FILIP1: variants seen among roughly 807,000 people sequenced by gnomAD.
The protein encoded by FILIP1 is filamin-A-interacting protein 1.
Under a neutral mutation model 102.1 loss-of-function variants are expected in FILIP1, and 61 were observed. The ratio of observed to expected loss-of-function variants is 0.60; its 90% confidence interval spans 0.49 to 0.74. FILIP1 has a LOEUF of 0.74. FILIP1 is among the 30% of genes least tolerant of loss of function. The pLI is 0.00. For missense variants in FILIP1, 1,314 were observed against 1,441.2 expected (o/e 0.91, Z 1.43); for synonymous variants, 491 against 526.9 (o/e 0.93, Z 0.93).
At chr6:75,292,595 G>A (rs1772570622) in exon 7 of FILIP1, 1 of 152,096 alleles carries the variant, frequency 6.6e-6, no homozygotes, top group Non-Finnish European at 1.5e-5. Context: ...GATTTTTACT[G>A]TATTACAACA....
At chr6:75,360,383 GA>G (rs934135817) in intron 3 of FILIP1, among the ~76,000 whole-genome samples, 1 of 152,074 alleles carries the variant, frequency 6.6e-6, no homozygotes, top group African/African-American at 2.4e-5. Context: ...AGATTCTTCA[GA>G]AAAAAGTAGA....
At chr6:75,413,665 T>C (rs1247690420) in intron 2 of FILIP1, among the ~76,000 whole-genome samples, 1 of 152,020 alleles carries the variant, frequency 6.6e-6, no homozygotes, top group Non-Finnish European at 1.5e-5. Flanking sequence ...CATGCAATTG[T>C]TAAAGTAATT....
chr6:75,451,053 G>T (rs1395548186), intron 1 of FILIP1, among the ~76,000 whole-genome samples: 1 of 152,012 alleles, frequency 6.6e-6, no homozygotes, highest in Non-Finnish European at 1.5e-5. Context: ...TTGGGGCAGG[G>T]ATAAGTGTTG....
intron 4 of FILIP1, among the ~76,000 whole-genome samples, chr6:75,337,339 C>T (rs1015024353): frequency 2.0e-5 from 3 of 152,152 alleles, no homozygotes; most frequent in Non-Finnish European, 4.4e-5. Context: ...TGCCATGAAG[C>T]ATCATGACCT....
Position 75,308,452 on chromosome 6 carries a change from C to A in FILIP1, c.*239G>T. The A allele has an allele frequency of 7.5e-7, 1 of 1,336,276 alleles. No individual in the cohort carries two copies. Among genetic ancestry groups the A allele is most frequent in the Non-Finnish European group, 9.6e-7 (1 of 1,037,748 alleles). 82.8% of individuals were successfully genotyped at this position (1,336,276 alleles called of 1,614,324 possible). On this transcript the variant is annotated 3_prime_UTR_variant, in exon 6 of 6. Coordinates refer to ENST00000237172, the MANE Select transcript of FILIP1 (RefSeq NM_015687.5). ...ATGGGTCCACTTGCTAGAAGCAAAACTGGAACTAGAAACCACGCCCTGGCT... is the reference window on the plus strand; with the variant it reads ...ATGGGTCCACTTGCTAGAAGCAAAAATGGAACTAGAAACCACGCCCTGGCT...
chr6:75,422,843 T>G (rs945457924), intron 1 of FILIP1, among the ~76,000 whole-genome samples: 1 of 152,176 alleles, frequency 6.6e-6, no homozygotes, highest in Middle Eastern at 3.2e-3. Flanking sequence ...TCTTGCTTTT[T>G]TTGCTAATCA....
At chr6:75,294,187 A>G (rs933226675) in exon 7 of FILIP1, 14 of 152,332 alleles carry the variant, frequency 9.2e-5, no homozygotes, top group African/African-American at 3.4e-4. Context: ...TTTCTATTCC[A>G]GAGACTCAGT....
At chr6:75,360,452 T>C (rs1460883235) in intron 3 of FILIP1, among the ~76,000 whole-genome samples, 1 of 152,180 alleles carries the variant, frequency 6.6e-6, no homozygotes, top group Non-Finnish European at 1.5e-5. Context: ...AGTCCAGGTT[T>C]TTTTTACTAA....
intron 1 of FILIP1, among the ~76,000 whole-genome samples, chr6:75,464,724 A>C (rs78433530): frequency 6.6e-6 from 1 of 152,242 alleles, no homozygotes; most frequent in East Asian, 1.9e-4. Flanking sequence ...CAACTCTTCT[A>C]CTTCTACGTT....
At chr6:75,384,600 A>G (rs73457763) in intron 2 of FILIP1, among the ~76,000 whole-genome samples, 3 of 152,268 alleles carry the variant, frequency 2.0e-5, no homozygotes, top group African/African-American at 7.2e-5. Flanking sequence ...GGTTACTCCT[A>G]TAGCTAATTG....
intron 4 of FILIP1, among the ~76,000 whole-genome samples, chr6:75,341,259 C>A (rs755710498): frequency 1.8e-4 from 28 of 151,630 alleles, no homozygotes; most frequent in Non-Finnish European, 3.5e-4. Flanking sequence ...CTCCCAGGCT[C>A]AAGTGATCCT....
chr6:75,344,047 A>C (rs1266165314), intron 4 of FILIP1, among the ~76,000 whole-genome samples: 1 of 152,204 alleles, frequency 6.6e-6, no homozygotes, highest in East Asian at 1.9e-4. Context: ...ACCCAACAGC[A>C]ATGCTTATGG....
At chr6:75,343,229 A>G (rs560030975) in intron 4 of FILIP1, among the ~76,000 whole-genome samples, 4 of 152,356 alleles carry the variant, frequency 2.6e-5, no homozygotes, top group Middle Eastern at 6.8e-3. Context: ...CCAGAACCCA[A>G]CAATTCTGGC....
At position 75,381,377 on chromosome 6, in the gene FILIP1, G is replaced by A. The variant is rs150124464; in HGVS notation, c.277-18460C>T. ...CCTGAGTAGCTGGGATTACAGGCGC[G>A]TGCCACCACGCCCGGCTAATTTTTG... On this transcript the variant is annotated intron_variant, in intron 2 of 5. Coordinates refer to ENST00000237172, the MANE Select transcript of FILIP1 (RefSeq NM_015687.5). 2.9e-3 allele frequency among the ~76,000 whole-genome samples: 439 copies of A among 151,982 alleles called. 1 individual carries two copies. Among genetic ancestry groups the A allele is most frequent in the Non-Finnish European group, 4.9e-3 (335 of 67,956 alleles).
intron 2 of FILIP1, among the ~76,000 whole-genome samples, chr6:75,393,080 C>T (rs1216302251): frequency 6.6e-6 from 1 of 152,132 alleles, no homozygotes; most frequent in East Asian, 1.9e-4. Context: ...ACAAAGCTGC[C>T]TAGTTTGGTC....
At position 75,296,095 on chromosome 6, in the gene FILIP1, A is replaced by G. The variant is rs148617435; in HGVS notation, c.3494-145T>C. The G allele has an allele frequency of 2.9e-3, 1,438 of 496,518 alleles. 15 individuals carry two copies. Among genetic ancestry groups the G allele is most frequent in the African/African-American group, 0.026 (1,285 of 49,998 alleles). 30.8% of individuals were successfully genotyped at this position (496,518 alleles called of 1,614,324 possible). ...GGCTAATAGACTTTCCTGCATTACT[A>G]TTCTTGGGCAACGTCTTTATATTGG... On this transcript the variant is annotated intron_variant, in intron 6 of 6. Coordinates refer to the FILIP1 transcript ENST00000393004.
intron 2 of FILIP1, among the ~76,000 whole-genome samples, chr6:75,406,303 T>C (rs1398279222): frequency 1.3e-5 from 2 of 152,194 alleles, no homozygotes; most frequent in Non-Finnish European, 2.9e-5. Context: ...TATTCACCAA[T>C]GAACATGGCC....
At chr6:75,380,917 T>C (rs1313966374) in intron 2 of FILIP1, among the ~76,000 whole-genome samples, 1 of 152,236 alleles carries the variant, frequency 6.6e-6, no homozygotes, top group Non-Finnish European at 1.5e-5. Flanking sequence ...TGGATGATTA[T>C]GAAAAACTTT....
At chr6:75,408,341 G>C (rs921001120) in intron 2 of FILIP1, among the ~76,000 whole-genome samples, 11 of 152,158 alleles carry the variant, frequency 7.2e-5, no homozygotes, top group African/African-American at 2.7e-4. Flanking sequence ...ACTGGTTCTA[G>C]ACAAGACTCC....
Sources: allele counts gnomAD v4.1 joint callset (sites outside exome capture counted in the v4.1 genomes callset), GRCh38; gene constraint gnomAD v4.1.1; transcripts MANE v1.5; gene names NCBI Gene and HGNC (gene_info 2026-07-23, HGNC 2026-07-21).